Variants in PDE1C observed in about 807,000 individuals in gnomAD.
The protein encoded by PDE1C is phosphodiesterase 1C, also known as dual specificity calcium/calmodulin-dependent 3',5'-cyclic nucleotide phosphodiesterase 1C.
A neutral mutation model predicts 93.1 loss-of-function variants in PDE1C; 62 were observed. That is an observed-to-expected ratio of 0.67 (90% CI 0.54 to 0.82). PDE1C has a LOEUF of 0.82. Among genes scored for constraint, PDE1C ranks in the 40% least tolerant of loss-of-function variants. The pLI is 0.00. For synonymous variants in PDE1C, 325 were observed against 310.1 expected (o/e 1.05, Z -0.50); for missense variants, 742 against 884.6 (o/e 0.84, Z 2.04).
intron 3 of PDE1C, among the ~76,000 whole-genome samples, chr7:32,103,422 AT>A (rs1798134002): frequency 6.6e-6 from 1 of 152,120 alleles, no homozygotes; most frequent in South Asian, 2.1e-4. Context: ...CTGCATTCCT[AT>A]CCCCGTGATG....
At chr7:32,217,659 TGAAG>T (rs1379408813) in intron 1 of PDE1C, among the ~76,000 whole-genome samples, 5 of 151,602 alleles carry the variant, frequency 3.3e-5, no homozygotes, top group Non-Finnish European at 7.4e-5. Context: ...TGGGGGAAAA[TGAAG>T]GGAGGAGGTA....
intron 2 of PDE1C, among the ~76,000 whole-genome samples, chr7:32,010,249 T>C (rs1786895569): frequency 1.3e-5 from 2 of 152,180 alleles, no homozygotes; most frequent in South Asian, 4.1e-4. Context: ...AGTCTTATTA[T>C]AAAGCTAAAG....
the PDE1C span, among the ~76,000 whole-genome samples, chr7:31,732,333 T>C: frequency 6.6e-6 from 1 of 152,200 alleles, no homozygotes; most frequent in Non-Finnish European, 1.5e-5. Flanking sequence ...TAGAATACAG[T>C]GCCCAGTTGT....
At chr7:32,160,750 C>T (rs565628228) in intron 3 of PDE1C, among the ~76,000 whole-genome samples, 4 of 151,296 alleles carry the variant, frequency 2.6e-5, no homozygotes, top group South Asian at 4.2e-4. Flanking sequence ...GCAGAGGTTA[C>T]GGTGAGCTGA....
intron 17 of PDE1C, among the ~76,000 whole-genome samples, chr7:31,755,163 A>G (rs1794375634): frequency 6.6e-6 from 1 of 152,192 alleles, no homozygotes; most frequent in South Asian, 2.1e-4. Context: ...GAATTCAACA[A>G]TTACGTAAAC....
intron 2 of PDE1C, among the ~76,000 whole-genome samples, chr7:31,973,505 A>C (rs1312658512): frequency 6.6e-6 from 1 of 152,216 alleles, no homozygotes; most frequent in East Asian, 1.9e-4. Flanking sequence ...AAAACTTTGC[A>C]TAACAACAGC....
At chr7:32,121,482 A>AAGG (rs1799297545) in intron 3 of PDE1C, among the ~76,000 whole-genome samples, 1 of 152,150 alleles carries the variant, frequency 6.6e-6, no homozygotes, top group African/African-American at 2.4e-5. Context: ...GCCAGAGAGA[A>AAGG]AGGCCAGGTC....
At chr7:32,334,785 G>T (rs1783583726) in intron 1 of PDE1C, among the ~76,000 whole-genome samples, 1 of 152,068 alleles carries the variant, frequency 6.6e-6, no homozygotes, top group Non-Finnish European at 1.5e-5. Flanking sequence ...GTTTGCACAT[G>T]CATATAATAA....
exon 1 of PDE1C, chr7:32,298,833 T>TC: frequency 7.0e-7 from 1 of 1,434,904 alleles, no homozygotes; most frequent in Non-Finnish European, 9.1e-7. Flanking sequence ...CGGCGAATCC[T>TC]CCCCCGGCCG....
chr7:31,691,552 A>G, the PDE1C span, among the ~76,000 whole-genome samples: 1 of 152,090 alleles, frequency 6.6e-6, no homozygotes, highest in African/African-American at 2.4e-5. Context: ...ACACATATCC[A>G]TTCTGGAATT....
At chr7:31,875,484 T>C (rs1024511076) in intron 5 of PDE1C, among the ~76,000 whole-genome samples, 1 of 152,090 alleles carries the variant, frequency 6.6e-6, no homozygotes, top group Non-Finnish European at 1.5e-5. Context: ...CAGAGAATCC[T>C]GCTGTGGGGC....
intron 1 of PDE1C, among the ~76,000 whole-genome samples, chr7:32,412,918 T>C (rs1212895449): frequency 6.7e-6 from 1 of 150,038 alleles, no homozygotes; most frequent in Non-Finnish European, 1.5e-5. Flanking sequence ...GAAAAAAAAA[T>C]TGGAATAGTC....
At chr7:32,166,821 C>A (rs139526815) in intron 3 of PDE1C, among the ~76,000 whole-genome samples, 1 of 152,290 alleles carries the variant, frequency 6.6e-6, no homozygotes, top group East Asian at 1.9e-4. Flanking sequence ...GCATTTGAAT[C>A]ACAAGCATGC....
intron 16 of PDE1C, among the ~76,000 whole-genome samples, chr7:31,777,128 A>G (rs1007812976): frequency 6.6e-6 from 1 of 151,358 alleles, no homozygotes; most frequent in Non-Finnish European, 1.5e-5. Flanking sequence ...GTACCCTAAA[A>G]CTTAAAGTAT....
chr7:32,219,330 A>C (rs1806665488), intron 1 of PDE1C, among the ~76,000 whole-genome samples: 1 of 152,184 alleles, frequency 6.6e-6, no homozygotes, highest in African/African-American at 2.4e-5. Context: ...ACTGAGATGC[A>C]TCAATTATTC....
At chr7:31,804,950 C>T (rs911959794) in intron 16 of PDE1C, among the ~76,000 whole-genome samples, 2 of 151,738 alleles carry the variant, frequency 1.3e-5, no homozygotes, top group African/African-American at 2.4e-5. Flanking sequence ...CATCTTGAAT[C>T]ATAGATCCCA....
chr7:32,365,707 G>T (rs530049400), intron 1 of PDE1C, among the ~76,000 whole-genome samples: 3 of 152,124 alleles, frequency 2.0e-5, no homozygotes, highest in African/African-American at 7.2e-5. Context: ...GCCTCAAGAT[G>T]GTCAACCCAC....
chr7:32,254,032 G>T (rs929456), intron 1 of PDE1C, among the ~76,000 whole-genome samples: 84,523 of 151,964 alleles, frequency 0.56, 25,175 homozygotes, highest in Admixed American at 0.67. Context: ...AATGGAAGAA[G>T]GCAGGACAGG....
the PDE1C span, among the ~76,000 whole-genome samples, chr7:31,655,479 G>A: frequency 1.3e-5 from 2 of 152,084 alleles, no homozygotes; most frequent in African/African-American, 2.4e-5. Context: ...GCCACCATGT[G>A]GGTCATATTT....
Sources: gnomAD v4.1 joint callset for allele counts (sites outside exome capture counted in the v4.1 genomes callset) on GRCh38, gnomAD v4.1.1 for gene constraint, MANE v1.5 for transcripts, NCBI Gene and HGNC (gene_info 2026-07-23, HGNC 2026-07-21) for gene names.